Variants in PCDH15 observed in about 807,000 individuals in gnomAD.
The protein encoded by PCDH15 is protocadherin related 15, also known as protocadherin-15.
In PCDH15, 129 loss-of-function variants were observed where a neutral mutation model predicts 178.5. The observed-to-expected ratio is 0.72, with a 90% CI of 0.63 to 0.84. The LOEUF is 0.84. Ranked by LOEUF, PCDH15 falls within the 40% of genes least tolerant of loss-of-function variation. The probability of loss-of-function intolerance (pLI) is 0.00; values close to 1 mark genes in which losing one functional copy is unlikely to be tolerated. For missense variants in PCDH15, 2,230 were observed against 2,099.9 expected (o/e 1.06, Z -1.21); for synonymous variants, 800 against 732.0 (o/e 1.09, Z -1.50).
intron 17 of PCDH15, among the ~76,000 whole-genome samples, chr10:54,067,199 C>A (rs2094151754): frequency 6.6e-6 from 1 of 152,026 alleles, no homozygotes; most frequent in African/African-American, 2.4e-5. Context: ...GGGTGGCAAG[C>A]TTTTGTTTAT....
intron 2 of PCDH15, among the ~76,000 whole-genome samples, chr10:55,162,011 T>A (rs1023628550): frequency 1.3e-5 from 2 of 152,172 alleles, no homozygotes; most frequent in African/African-American, 4.8e-5. Flanking sequence ...ACAGCATACC[T>A]TGTGCTATAA....
Position 54,565,302 on chromosome 10 carries a change from T to C in PCDH15, c.92-37425A>G, listed in dbSNP as rs533130495. ...TGGGTTTGGTTACTGTGATCCCTTC[T>C]CCTGACTCCAATCACATCCAGCTAT... On this transcript the variant is annotated intron_variant, in intron 2 of 37. Transcript: ENST00000644397. Among the ~76,000 whole-genome samples, 277 of 152,314 alleles carry C rather than the reference T, an allele frequency of 1.8e-3. 1 individual carries two copies. Among genetic ancestry groups the C allele is most frequent in the African/African-American group, 6.5e-3 (271 of 41,580 alleles).
At chr10:55,032,808 C>T (rs1840644389) in intron 2 of PCDH15, among the ~76,000 whole-genome samples, 1 of 152,110 alleles carries the variant, frequency 6.6e-6, no homozygotes, top group Admixed American at 6.5e-5. Flanking sequence ...TCCAAAGTGC[C>T]AGGGCCTTGG....
rs528921621 is a variant in PCDH15 at position 54,368,618 on chromosome 10, A to G, written c.474+502T>C. ...ACTACTTTTTAAATATAATTTTTCT[A>G]ATTTGATCAGCATTTTTCTATAAGA... is the stretch of plus-strand genomic sequence containing the variant. On this transcript the variant is annotated intron_variant, in intron 5 of 37. Transcript: ENST00000644397. Among the ~76,000 whole-genome samples, 4 of 152,176 alleles carry G rather than the reference A, an allele frequency of 2.6e-5. No individual in the cohort carries two copies. The East Asian group carries it at 7.7e-4, about 29-fold the overall frequency.
chr10:55,112,592 G>A (rs910990085), intron 2 of PCDH15, among the ~76,000 whole-genome samples: 2 of 152,144 alleles, frequency 1.3e-5, no homozygotes, highest in African/African-American at 4.8e-5. Context: ...CCCATGGCTG[G>A]TGGGATCCAG....
At chr10:55,380,773 T>C (rs759941212) in intron 2 of PCDH15, among the ~76,000 whole-genome samples, 14 of 152,128 alleles carry the variant, frequency 9.2e-5, no homozygotes, top group Non-Finnish European at 1.9e-4. Flanking sequence ...TTGTCTCTCA[T>C]TTGGAAATCT....
intron 21 of PCDH15, among the ~76,000 whole-genome samples, chr10:53,981,872 G>A (rs1452929252): frequency 4.7e-5 from 7 of 150,270 alleles, no homozygotes; most frequent in African/African-American, 1.7e-4. Context: ...TACCATCAGA[G>A]TGAACAGGCA....
At chr10:55,570,435 A>G (rs1842387040) in intron 2 of PCDH15, among the ~76,000 whole-genome samples, 1 of 151,956 alleles carries the variant, frequency 6.6e-6, no homozygotes, top group Non-Finnish European at 1.5e-5. Context: ...TTACTAAAAT[A>G]TTCATTTATT....
intron 2 of PCDH15, among the ~76,000 whole-genome samples, chr10:55,058,092 TA>T (rs1841348080): frequency 6.6e-6 from 1 of 152,214 alleles, no homozygotes; most frequent in Non-Finnish European, 1.5e-5. Flanking sequence ...GAAAGGTATT[TA>T]AAAAGATGCT....
chr10:54,062,248 AAAAAC>A (rs1182798019), intron 18 of PCDH15, among the ~76,000 whole-genome samples: 8 of 119,934 alleles, frequency 6.7e-5, no homozygotes, highest in African/African-American at 3.0e-4. Flanking sequence ...AAAAAAAAAA[AAAAAC>A]AAAAAACAAC....
intron 2 of PCDH15, among the ~76,000 whole-genome samples, chr10:54,622,670 ATATATAATATATAT>A (rs1483289221): frequency 3.3e-5 from 3 of 91,002 alleles, no homozygotes; most frequent in East Asian, 5.5e-4. Context: ...AATATATATT[ATATATAATATATAT>A]TATATAATAT....
At chr10:55,347,257 G>A (rs1278322007) in intron 2 of PCDH15, among the ~76,000 whole-genome samples, 2 of 151,874 alleles carry the variant, frequency 1.3e-5, no homozygotes, top group Admixed American at 1.3e-4. Flanking sequence ...GAGTATAGTG[G>A]AAGTTTTTTT....
intron 37 of PCDH15, among the ~76,000 whole-genome samples, chr10:53,807,633 T>C (rs904346696): frequency 4.0e-4 from 61 of 151,984 alleles, no homozygotes; most frequent in African/African-American, 1.4e-3. Context: ...ATTTAATGCA[T>C]TTTGTATAAT....
intron 2 of PCDH15, among the ~76,000 whole-genome samples, chr10:54,963,338 T>G (rs984796520): frequency 3.7e-4 from 56 of 150,444 alleles, no homozygotes; most frequent in African/African-American, 1.2e-3. Flanking sequence ...AAAATGTGTT[T>G]TTTTTTTTTT....
chr10:54,678,972 C>T (rs1415311369), intron 1 of PCDH15, among the ~76,000 whole-genome samples: 3 of 151,892 alleles, frequency 2.0e-5, no homozygotes, highest in South Asian at 2.1e-4. Flanking sequence ...GGGCGGATCA[C>T]GAGGTCAGGA....
chr10:54,713,822 T>C (rs1160414719), intron 1 of PCDH15, among the ~76,000 whole-genome samples: 1 of 152,182 alleles, frequency 6.6e-6, no homozygotes, highest in Admixed American at 6.6e-5. Flanking sequence ...AGGCAAAACA[T>C]GTTTTATCAA....
chr10:54,967,616 G>C (rs540878882), intron 2 of PCDH15, among the ~76,000 whole-genome samples: 53 of 152,208 alleles, frequency 3.5e-4, no homozygotes, highest in African/African-American at 1.2e-3. Context: ...TTTACCTGAT[G>C]ATAGATATTT....
chr10:55,111,636 G>A (rs1258551989), intron 2 of PCDH15, among the ~76,000 whole-genome samples: 1 of 152,144 alleles, frequency 6.6e-6, no homozygotes, highest in African/African-American at 2.4e-5. Flanking sequence ...CTGAGGTGGG[G>A]AGTTCAAGAC....
At chr10:55,068,935 A>G (rs1350459425) in intron 2 of PCDH15, among the ~76,000 whole-genome samples, 2 of 151,860 alleles carry the variant, frequency 1.3e-5, no homozygotes, top group Non-Finnish European at 2.9e-5. Context: ...TCTCACTCCA[A>G]CACCCAGGCT....
Sources: allele counts gnomAD v4.1 joint callset (sites outside exome capture counted in the v4.1 genomes callset), GRCh38; gene constraint gnomAD v4.1.1; transcripts MANE v1.5; gene names NCBI Gene and HGNC (gene_info 2026-07-23, HGNC 2026-07-21).